NRG2: variants seen among roughly 807,000 people sequenced by gnomAD.
NRG2 encodes the protein pro-neuregulin-2, membrane-bound isoform.
NRG2 carries 27 observed loss-of-function variants against 73.9 expected under a neutral mutation model. The ratio of observed to expected loss-of-function variants is 0.37; its 90% CI spans 0.27 to 0.50. The LOEUF is 0.50. Among genes scored for constraint, NRG2 ranks in the 20% least tolerant of loss-of-function variants. NRG2 has a pLI of 0.96. For synonymous variants in NRG2, 532 were observed against 541.0 expected, an observed-to-expected ratio of 0.98 and a Z score of 0.23; for missense variants, 1,126 against 1,210.1, an observed-to-expected ratio of 0.93 and a Z score of 1.03.
At chr5:140,001,047 T>G (rs1758429365) in intron 1 of NRG2, among the ~76,000 whole-genome samples, 1 of 152,094 alleles carries the variant, frequency 6.6e-6, no homozygotes, top group Non-Finnish European at 1.5e-5. Flanking sequence ...CCTCTCAGAG[T>G]TCCCTGGATT....
At chr5:139,898,748 C>T (rs1764703905) in intron 1 of NRG2, among the ~76,000 whole-genome samples, 1 of 152,234 alleles carries the variant, frequency 6.6e-6, no homozygotes, top group South Asian at 2.1e-4. Context: ...CCCTCCTGCT[C>T]AGAACCCTTC....
rs1261950387 is a variant in NRG2, at chr5:139,869,689, C to T, written c.1112+2032G>A. 4 of 152,284 alleles carry T rather than the reference C, an allele frequency of 2.6e-5. No homozygotes were observed. The highest frequency in any genetic ancestry group is 9.6e-5 in the African/African-American group (4 of 41,456). The allele number at this position is 152,284 out of a possible 1,614,324, so 9.4% of individuals were successfully genotyped here. ...GATGGGGAAGTGGTGGCTCTGGGTACCAAGTTCTAAGCAGTGCAGCCCAGG... is the reference window on the plus strand; with the variant it reads ...GATGGGGAAGTGGTGGCTCTGGGTATCAAGTTCTAAGCAGTGCAGCCCAGG... On this transcript the variant is annotated intron_variant, in intron 4 of 9. Coordinates refer to ENST00000361474, the MANE Select transcript of NRG2 (RefSeq NM_004883.3). The surrounding 1 kb of genome is among the most constrained non-coding windows in gnomAD (Gnocchi z 4.5).
At chr5:139,902,646 T>C (rs1391807261) in intron 1 of NRG2, among the ~76,000 whole-genome samples, 4 of 151,984 alleles carry the variant, frequency 2.6e-5, no homozygotes, top group African/African-American at 7.3e-5. Flanking sequence ...CTCCTTGACA[T>C]TGAGAGAGTG....
intron 1 of NRG2, among the ~76,000 whole-genome samples, chr5:139,909,465 A>G (rs751341161): frequency 1.1e-4 from 17 of 152,172 alleles, no homozygotes; most frequent in Admixed American, 8.5e-4. Flanking sequence ...GGAGAGCTTC[A>G]GTGGCCTCAG....
At position 139,848,025 on chromosome 5, in the gene NRG2, C is replaced by G. The variant is rs758701970; in HGVS notation, c.2445G>C (p.Ala815=). Residue 815 remains alanine (A), a synonymous_variant, in exon 10 of 10, where the codon GCG becomes GCC. Transcript: ENST00000361474. ...LRSDSPPLCP[A]ADSRTYYSLD... Reference sequence around the variant, plus strand: ...GTGAGTAGTAAGTCCTGCTGTCGGCCGCCGGGCACAGTGGCGGCGAGTCCG... The same window carrying G: ...GTGAGTAGTAAGTCCTGCTGTCGGCGGCCGGGCACAGTGGCGGCGAGTCCG... The G allele has an allele frequency of 1.3e-6, 2 of 1,510,496 alleles. No individual in the cohort carries two copies. Among genetic ancestry groups the G allele is most frequent in the African/African-American group, 2.9e-5 (2 of 69,096 alleles). 93.6% of individuals were successfully genotyped at this position (1,510,496 alleles called of 1,614,324 possible).
chr5:139,851,840 G>C lies in NRG2; in HGVS notation c.1545-9C>G. ...ACGTGTGGCTCTCGTGTCTGGGAAG[G>C]CCAGATGGGGTGAGACGAGGGGTCA... On this transcript the variant is annotated splice_polypyrimidine_tract_variant and intron_variant, in intron 8 of 9. Coordinates refer to ENST00000361474, the MANE Select transcript of NRG2 (RefSeq NM_004883.3). This position sits in a 1 kb window ranked among gnomAD's most constrained non-coding sequence, Gnocchi z 4.2. 6.2e-7 allele frequency: 1 copy of C among 1,613,422 alleles called. No individual in the cohort carries two copies. The highest frequency in any genetic ancestry group is 8.5e-7 in the Non-Finnish European group (1 of 1,179,534).
chr5:139,963,779 G>C (rs1404655606), intron 1 of NRG2, among the ~76,000 whole-genome samples: 1 of 152,088 alleles, frequency 6.6e-6, no homozygotes, highest in Non-Finnish European at 1.5e-5. Context: ...TTCTAGGCCT[G>C]GTGGCCTTGA....
intron 1 of NRG2, among the ~76,000 whole-genome samples, chr5:139,992,821 C>T (rs1757735190): frequency 6.6e-6 from 1 of 152,124 alleles, no homozygotes; most frequent in South Asian, 2.1e-4. Flanking sequence ...TTCCTTCTGC[C>T]CAAGAGTAAC....
At chr5:140,026,482 G>A (rs1007221450) in intron 1 of NRG2, among the ~76,000 whole-genome samples, 9 of 152,056 alleles carry the variant, frequency 5.9e-5, no homozygotes, top group African/African-American at 1.9e-4. Context: ...ATGACTGCAG[G>A]CCCAGCTACT....
chr5:139,897,039 A>C (rs1395786308), intron 1 of NRG2, among the ~76,000 whole-genome samples: 1 of 152,122 alleles, frequency 6.6e-6, no homozygotes, highest in Non-Finnish European at 1.5e-5. Flanking sequence ...CAGGCAAACC[A>C]AATCACCGAT....
chr5:139,880,776 C>T, intron 3 of NRG2, 80 bp downstream of exon 3: 1 of 1,009,036 alleles, frequency 9.9e-7, no homozygotes. Context: ...GGATCACATG[C>T]AGGCCCCAAG....
chr5:139,916,031 A>G (rs1394124892), intron 1 of NRG2, among the ~76,000 whole-genome samples: 1 of 152,208 alleles, frequency 6.6e-6, no homozygotes, highest in Non-Finnish European at 1.5e-5. Context: ...AAGGTGACCC[A>G]ACCCAAACTA....
chr5:139,938,452 G>T (rs1341308979), intron 1 of NRG2, among the ~76,000 whole-genome samples: 1 of 151,870 alleles, frequency 6.6e-6, no homozygotes, highest in African/African-American at 2.4e-5. Flanking sequence ...TATCTCCCGG[G>T]CTCAAACAGT....
At chr5:139,924,687 T>C (rs994135356) in intron 1 of NRG2, among the ~76,000 whole-genome samples, 3 of 152,200 alleles carry the variant, frequency 2.0e-5, no homozygotes, top group African/African-American at 7.2e-5. Flanking sequence ...TTTACTTGTC[T>C]TTTTTGGGGA....
At chr5:139,996,027 AAAAG>A (rs1247241269) in intron 1 of NRG2, among the ~76,000 whole-genome samples, 3 of 152,242 alleles carry the variant, frequency 2.0e-5, no homozygotes, top group Non-Finnish European at 2.9e-5. Flanking sequence ...AAAAAAAGAA[AAAAG>A]AAAGAAAAGA....
chr5:139,962,561 TG>T (rs1445558352), intron 1 of NRG2, among the ~76,000 whole-genome samples: 2 of 152,164 alleles, frequency 1.3e-5, no homozygotes, highest in African/African-American at 4.8e-5. Context: ...TTGGGAATCC[TG>T]TGCTCAGGGT....
In NRG2 at chr5:139,971,807, T is replaced by C. The variant is rs112658801; in HGVS notation, c.700+70563A>G. Among the ~76,000 whole-genome samples, 378 of 152,288 alleles carry C rather than the reference T, an allele frequency of 2.5e-3. 2 individuals are homozygous for C. The highest frequency in any genetic ancestry group is 8.5e-3 in the African/African-American group (354 of 41,536). On this transcript the variant is annotated intron_variant, in intron 1 of 9. Transcript: ENST00000361474. ...GGAATAAATGAAAGTAAAAATGTAG[T>C]ACTTTACAACATATCTCCCCAAGGT...
Position 139,954,046 on chromosome 5 carries a change from G to A in NRG2, c.701-66535C>T, listed in dbSNP as rs1754432387. On this transcript the variant is annotated intron_variant, in intron 1 of 9. Coordinates refer to ENST00000361474, the MANE Select transcript of NRG2 (RefSeq NM_004883.3). The surrounding 1 kb of genome is among the most constrained non-coding windows in gnomAD (Gnocchi z 5.0). Reference sequence around the variant, plus strand: ...AGGTAGCCTGCTCACTGGGAGGCAAGGGGCAGGGTGTGGGGGTGGCTGGAA... The same window carrying A: ...AGGTAGCCTGCTCACTGGGAGGCAAAGGGCAGGGTGTGGGGGTGGCTGGAA... 6.6e-6 allele frequency among the ~76,000 whole-genome samples: 1 copy of A among 152,176 alleles called. No individual in the cohort carries two copies. Among genetic ancestry groups the A allele is most frequent in the Non-Finnish European group, 1.5e-5 (1 of 68,034 alleles).
At chr5:140,023,460 T>G (rs1760400190) in intron 1 of NRG2, among the ~76,000 whole-genome samples, 1 of 152,250 alleles carries the variant, frequency 6.6e-6, no homozygotes, top group African/African-American at 2.4e-5. Flanking sequence ...ATTAATCTTC[T>G]CGTTCTCTGA....
Sources: allele counts gnomAD v4.1 joint callset (sites outside exome capture counted in the v4.1 genomes callset), GRCh38; gene constraint gnomAD v4.1.1; non-coding constraint Gnocchi (gnomAD v3.1); transcripts MANE v1.5; gene names NCBI Gene and HGNC (gene_info 2026-07-23, HGNC 2026-07-21).